The following CSMD3 variants were observed in gnomAD, a reference collection of about 807,000 sequenced individuals.
CSMD3 encodes CUB and sushi domain-containing protein 3.
A neutral mutation model predicts 435.2 loss-of-function variants in CSMD3; 177 were observed. The observed-to-expected ratio is 0.41, with a 90% CI of 0.36 to 0.46. CSMD3 has a LOEUF of 0.46. CSMD3 is among the 20% of genes least tolerant of loss of function. CSMD3 has a pLI of 0.34. For missense variants in CSMD3, 4,265 were observed against 4,504.6 expected (o/e 0.95, Z 1.52); for synonymous variants, 1,656 against 1,520.5 (o/e 1.09, Z -2.07).
At chr8:112,784,075 C>A (rs1340593354) in intron 13 of CSMD3, among the ~76,000 whole-genome samples, 1 of 151,924 alleles carries the variant, frequency 6.6e-6, no homozygotes, top group Non-Finnish European at 1.5e-5. Flanking sequence ...ACTTAATTAG[C>A]AGGATAAGCC....
intron 31 of CSMD3, among the ~76,000 whole-genome samples, chr8:112,487,742 T>G (rs1479847843): frequency 6.6e-6 from 1 of 152,016 alleles, no homozygotes; most frequent in Non-Finnish European, 1.5e-5. Context: ...ATAAAATAAG[T>G]CAAGGCAACA....
At chr8:112,313,091 C>T (rs1822136402) in intron 49 of CSMD3, among the ~76,000 whole-genome samples, 2 of 151,970 alleles carry the variant, frequency 1.3e-5, no homozygotes, top group African/African-American at 4.8e-5. Flanking sequence ...TTTAGAAGGG[C>T]AGTAAAGAAA....
At chr8:112,394,961 C>T (rs1008591224) in intron 35 of CSMD3, among the ~76,000 whole-genome samples, 4 of 152,140 alleles carry the variant, frequency 2.6e-5, no homozygotes, top group African/African-American at 4.8e-5. Flanking sequence ...ATATCTTGTG[C>T]TTTCAAATTA....
At chr8:113,301,618 A>G (rs867366171) in intron 2 of CSMD3, among the ~76,000 whole-genome samples, 1 of 151,938 alleles carries the variant, frequency 6.6e-6, no homozygotes, top group Non-Finnish European at 1.5e-5. Context: ...GTCCTGCTAT[A>G]TATATGTGAC....
rs148599568 is a variant in CSMD3 at position 112,932,700 on chromosome 8, G to C, written c.1509-10949C>G. Among the ~76,000 whole-genome samples, 1,426 of 152,078 alleles carry C rather than the reference G, an allele frequency of 9.4e-3. 16 individuals carry two copies. Among genetic ancestry groups the C allele is most frequent in the Middle Eastern group, 0.014 (4 of 294 alleles). On this transcript the variant is annotated intron_variant, in intron 9 of 70. Coordinates refer to ENST00000297405, the MANE Select transcript of CSMD3 (RefSeq NM_198123.2). ...GTGCAGTGTGTGTGTGCGTGGGAGGGGGTACAAAGAGAGGTTGGTTAATGG... is the reference window on the plus strand; with the variant it reads ...GTGCAGTGTGTGTGTGCGTGGGAGGCGGTACAAAGAGAGGTTGGTTAATGG...
intron 58 of CSMD3, among the ~76,000 whole-genome samples, chr8:112,283,854 A>T (rs1185637771): frequency 6.6e-6 from 1 of 151,846 alleles, no homozygotes. Context: ...TGTAATTAAC[A>T]ACAGTGTATT....
intron 20 of CSMD3, among the ~76,000 whole-genome samples, chr8:112,643,250 A>G (rs1411567042): frequency 1.3e-5 from 2 of 152,174 alleles, no homozygotes; most frequent in Non-Finnish European, 2.9e-5. Context: ...GGAAAAAATG[A>G]GGAATTTGTC....
chr8:113,062,152 A>G (rs1376030696), intron 5 of CSMD3, among the ~76,000 whole-genome samples: 1 of 151,842 alleles, frequency 6.6e-6, no homozygotes, highest in East Asian at 1.9e-4. Context: ...AATTTTTAGT[A>G]ACTCATCCTT....
chr8:112,877,634 G>T (rs1587551173), intron 10 of CSMD3, among the ~76,000 whole-genome samples: 1 of 152,066 alleles, frequency 6.6e-6, no homozygotes, highest in Admixed American at 6.6e-5. Flanking sequence ...AAAGAACAAA[G>T]CTGGAGGCAC....
intron 10 of CSMD3, among the ~76,000 whole-genome samples, chr8:112,911,639 A>G (rs1347481687): frequency 2.4e-5 from 1 of 42,276 alleles, no homozygotes; most frequent in African/African-American, 1.3e-4. Context: ...GTGTACATAT[A>G]TATGTGTGTG....
At chr8:112,676,005 G>A (rs1052099567) in intron 16 of CSMD3, among the ~76,000 whole-genome samples, 5 of 152,094 alleles carry the variant, frequency 3.3e-5, no homozygotes, top group African/African-American at 1.2e-4. Flanking sequence ...GGAAAGATTT[G>A]ATAAAGACCG....
chr8:113,099,127 A>C (rs1389106900), intron 4 of CSMD3, among the ~76,000 whole-genome samples, 164 bp from the exon 5 acceptor site: 1 of 152,090 alleles, frequency 6.6e-6, no homozygotes, highest in Non-Finnish European at 1.5e-5. Context: ...AATTTTATGA[A>C]AAAATGTATC....
At chr8:112,504,406 C>A (rs2130919445) in intron 29 of CSMD3, among the ~76,000 whole-genome samples, 1 of 152,138 alleles carries the variant, frequency 6.6e-6, no homozygotes, top group East Asian at 1.9e-4. Context: ...TATTTTGCAT[C>A]ATGAAAACAC....
intron 1 of CSMD3, among the ~76,000 whole-genome samples, chr8:113,427,504 G>T (rs1231241031): frequency 2.7e-5 from 4 of 150,074 alleles, no homozygotes; most frequent in Admixed American, 2.0e-4. Flanking sequence ...AAAAAAAGAG[G>T]CTCATAAAAT....
At chr8:113,135,618 T>C (rs1346325285) in intron 4 of CSMD3, among the ~76,000 whole-genome samples, 1 of 151,756 alleles carries the variant, frequency 6.6e-6, no homozygotes, top group Non-Finnish European at 1.5e-5. Context: ...ATATGTATTA[T>C]TTAAATATTA....
intron 13 of CSMD3, among the ~76,000 whole-genome samples, chr8:112,738,564 A>G (rs2077235317): frequency 6.6e-6 from 1 of 151,752 alleles, no homozygotes; most frequent in African/African-American, 2.4e-5. Flanking sequence ...AAGATTTGAG[A>G]GACCCTTGGG....
chr8:113,367,149 A>G (rs550202130), intron 1 of CSMD3, among the ~76,000 whole-genome samples: 92 of 151,978 alleles, frequency 6.1e-4, no homozygotes, highest in Admixed American at 1.8e-3. Flanking sequence ...ATGCTTTTGG[A>G]TAATACCTAC....
intron 20 of CSMD3, among the ~76,000 whole-genome samples, chr8:112,640,819 T>C (rs2074802558): frequency 3.3e-5 from 5 of 152,096 alleles, no homozygotes; most frequent in Admixed American, 3.3e-4. Flanking sequence ...AAGTCAGTCT[T>C]ATTTCTGCTA....
At chr8:112,388,587 A>C (rs1421763364) in intron 36 of CSMD3, among the ~76,000 whole-genome samples, 1 of 152,142 alleles carries the variant, frequency 6.6e-6, no homozygotes, top group Non-Finnish European at 1.5e-5. Flanking sequence ...GTTTTGAGAA[A>C]ATTCTATGAA....
Sources: allele counts gnomAD v4.1 joint callset (sites outside exome capture counted in the v4.1 genomes callset), GRCh38; gene constraint gnomAD v4.1.1; transcripts MANE v1.5; gene names NCBI Gene and HGNC (gene_info 2026-07-23, HGNC 2026-07-21).